RABGAP1L: variants seen among roughly 807,000 people sequenced by gnomAD.
RABGAP1L encodes RAB GTPase activating protein 1 like.
Under a neutral mutation model 137.7 loss-of-function variants are expected in RABGAP1L, and 63 were observed. The observed-to-expected ratio is 0.46, with a 90% CI of 0.37 to 0.56. The LOEUF (loss-of-function observed/expected upper bound fraction) is 0.56. Ranked by LOEUF, RABGAP1L falls within the 20% of genes least tolerant of loss-of-function variation. The pLI is 0.00. For missense variants in RABGAP1L, 1,095 were observed against 1,244.0 expected (o/e 0.88, Z 1.80); for synonymous variants, 431 against 433.7 (o/e 0.99, Z 0.08).
At chr1:174,204,799 C>G (rs918057713) in intron 1 of RABGAP1L, among the ~76,000 whole-genome samples, 1 of 152,140 alleles carries the variant, frequency 6.6e-6, no homozygotes, top group African/African-American at 2.4e-5. Flanking sequence ...GTTGTTCTCA[C>G]GAGATGTGGA....
chr1:174,165,191 C>G (rs946389469), intron 1 of RABGAP1L, among the ~76,000 whole-genome samples: 3 of 152,150 alleles, frequency 2.0e-5, no homozygotes, highest in East Asian at 3.8e-4. Context: ...GTTTTTGACC[C>G]AGGCTGGAGT....
At chr1:174,454,846 C>A (rs983937106) in intron 13 of RABGAP1L, among the ~76,000 whole-genome samples, 1 of 151,966 alleles carries the variant, frequency 6.6e-6, no homozygotes, top group African/African-American at 2.4e-5. Context: ...GCGACCGCCC[C>A]GGCCCACTGT....
At chr1:174,540,480 C>A (rs543525387) in intron 13 of RABGAP1L, among the ~76,000 whole-genome samples, 10 of 152,050 alleles carry the variant, frequency 6.6e-5, no homozygotes, top group South Asian at 4.1e-4. Context: ...ATAAGGTATA[C>A]GGAAGGGATC....
chr1:174,689,134 T>C (rs962030865), intron 15 of RABGAP1L, among the ~76,000 whole-genome samples: 11 of 152,176 alleles, frequency 7.2e-5, no homozygotes, highest in African/African-American at 2.4e-4. Flanking sequence ...CATTTAACTT[T>C]TATACATTTT....
chr1:174,564,434 C>T (rs1667433128), intron 13 of RABGAP1L, among the ~76,000 whole-genome samples: 1 of 152,146 alleles, frequency 6.6e-6, no homozygotes, highest in Admixed American at 6.6e-5. Flanking sequence ...TTAATCCTCA[C>T]AGCAACCCAT....
chr1:174,565,826 T>C (rs1191722780), intron 13 of RABGAP1L, among the ~76,000 whole-genome samples: 4 of 152,096 alleles, frequency 2.6e-5, no homozygotes, highest in African/African-American at 9.7e-5. Flanking sequence ...TTCTTTACAA[T>C]TCATTCCAAA....
At chr1:174,896,058 A>C (rs998727757) in intron 19 of RABGAP1L, among the ~76,000 whole-genome samples, 85 of 152,346 alleles carry the variant, frequency 5.6e-4, no homozygotes, top group African/African-American at 1.9e-3. Flanking sequence ...CAGTCCCACC[A>C]ACAATGTAAA....
At chr1:174,306,958 A>G (rs1275996281) in intron 11 of RABGAP1L, among the ~76,000 whole-genome samples, 3 of 152,108 alleles carry the variant, frequency 2.0e-5, no homozygotes, top group Non-Finnish European at 4.4e-5. Context: ...TTCTGTATGA[A>G]ACTGTTTTTT....
intron 13 of RABGAP1L, among the ~76,000 whole-genome samples, chr1:174,586,933 G>A (rs1435798361): frequency 6.6e-6 from 1 of 152,068 alleles, no homozygotes; most frequent in African/African-American, 2.4e-5. Flanking sequence ...TGAGTGTGAT[G>A]TTCCCCTTCC....
At chr1:174,403,890 A>T (rs1400156120) in intron 13 of RABGAP1L, among the ~76,000 whole-genome samples, 5 of 151,084 alleles carry the variant, frequency 3.3e-5, no homozygotes, top group African/African-American at 1.2e-4. Flanking sequence ...TATTTTAGTG[A>T]TTATGCAAAT....
intron 13 of RABGAP1L, among the ~76,000 whole-genome samples, chr1:174,409,368 T>C (rs1289891538): frequency 6.6e-6 from 1 of 152,208 alleles, no homozygotes; most frequent in Non-Finnish European, 1.5e-5. Flanking sequence ...CTTACTTTAA[T>C]CTCTTAATCC....
chr1:174,584,833 T>A (rs1243455966), intron 13 of RABGAP1L, among the ~76,000 whole-genome samples: 1 of 118,228 alleles, frequency 8.5e-6, no homozygotes, highest in Non-Finnish European at 1.7e-5. Flanking sequence ...GATGTATGTG[T>A]ATGTGTTTTT....
intron 14 of RABGAP1L, among the ~76,000 whole-genome samples, chr1:174,672,281 C>CTTTTTTT (rs1256381168): frequency 1.7e-4 from 20 of 118,364 alleles, no homozygotes; most frequent in South Asian, 2.7e-4. Context: ...TTTTTCCTTT[C>CTTTTTTT]TTTTTTTTTT....
At chr1:174,889,792 C>T (rs964587198) in intron 19 of RABGAP1L, among the ~76,000 whole-genome samples, 11 of 152,088 alleles carry the variant, frequency 7.2e-5, no homozygotes, top group African/African-American at 2.2e-4. Context: ...TACAGTGGTG[C>T]AATCACGGCT....
rs541864254 is a variant in RABGAP1L at position 174,231,228 on chromosome 1, T to A, written c.415T>A (p.Cys139Ser). ...ATTTAATAAACTGACCTACTTAGGA[T>A]GTATGAAGGTTTCTTCCCCACGTAA... ...VLFNKLTYLG[C>S]MKVSSPRNEV... The change falls in exon 4 of 26, where the codon TGT becomes AGT. Residue 139 changes from cysteine to serine, a missense_variant. Coordinates refer to ENST00000681986, the MANE Select transcript of RABGAP1L (RefSeq NM_001366446.1). The A allele has an allele frequency of 6.2e-7, 1 of 1,613,800 alleles. No individual in the cohort carries two copies. The highest frequency in any genetic ancestry group is 1.1e-5 in the South Asian group (1 of 91,070).
In RABGAP1L at chr1:174,259,352, T is replaced by G. The variant is rs892043870; in HGVS notation, c.986+6762T>G. Among the ~76,000 whole-genome samples, 3 of 152,202 alleles carry G rather than the reference T, an allele frequency of 2.0e-5. No individual in the cohort carries two copies. The South Asian group carries it at 6.2e-4, about 31-fold the overall frequency. ...TGCCAGGCACTGTTCTAGGTGGTAT[T>G]TCTGAGGTATAGGTACTATTATCTT... is the stretch of plus-strand genomic sequence containing the variant. On this transcript the variant is annotated intron_variant, in intron 7 of 25. Coordinates refer to ENST00000681986, the MANE Select transcript of RABGAP1L (RefSeq NM_001366446.1).
chr1:174,916,339 T>G (rs1226175068), intron 19 of RABGAP1L, among the ~76,000 whole-genome samples: 5 of 152,202 alleles, frequency 3.3e-5, no homozygotes, highest in Non-Finnish European at 7.3e-5. Flanking sequence ...TTCACCTTCT[T>G]GCTTTTACAT....
At chr1:174,209,928 T>C (rs1668758927) in intron 1 of RABGAP1L, among the ~76,000 whole-genome samples, 1 of 152,094 alleles carries the variant, frequency 6.6e-6, no homozygotes, top group Admixed American at 6.6e-5. Flanking sequence ...TGAGAGAAAG[T>C]AAGTAAAGAG....
At chr1:174,894,965 C>A (rs1656888107) in intron 19 of RABGAP1L, among the ~76,000 whole-genome samples, 1 of 152,030 alleles carries the variant, frequency 6.6e-6, no homozygotes, top group South Asian at 2.1e-4. Context: ...CCATGTTGGC[C>A]ACGCTGGTCT....
Sources: allele counts gnomAD v4.1 joint callset (sites outside exome capture counted in the v4.1 genomes callset), GRCh38; gene constraint gnomAD v4.1.1; transcripts MANE v1.5; gene names NCBI Gene and HGNC (gene_info 2026-07-23, HGNC 2026-07-21).